USP14: variants seen among roughly 807,000 people sequenced by gnomAD.
USP14 encodes the protein ubiquitin specific peptidase 14.
Under a neutral mutation model 76.5 loss-of-function variants are expected in USP14, and 38 were observed. That is an observed-to-expected ratio of 0.50 (90% CI 0.38 to 0.65). The LOEUF is 0.65. Ranked by LOEUF, USP14 falls within the 30% of genes least tolerant of loss-of-function variation. The pLI is 0.00. For synonymous variants in USP14, 192 were observed against 191.7 expected (o/e 1.00, Z -0.01); for missense variants, 467 against 586.5 (o/e 0.80, Z 2.10).
intron 4 of USP14, among the ~76,000 whole-genome samples, chr18:179,351 A>G (rs1043314290): frequency 6.6e-6 from 1 of 152,116 alleles, no homozygotes; most frequent in African/African-American, 2.4e-5. Context: ...TGTTCCTGGC[A>G]GATAGTACTA....
rs1386120546 is a variant in USP14, at chr18:213,663, G to GCACT, written c.*2386_*2389dup. 3.3e-5 allele frequency: 5 copies of GCACT among 152,554 alleles called. No individual in the cohort carries two copies. The highest frequency in any genetic ancestry group is 4.8e-5 in the African/African-American group (2 of 41,406). 9.5% of individuals were successfully genotyped at this position (152,554 alleles called of 1,614,324 possible). A position where few individuals can be genotyped will look rare whatever the true frequency, so the allele number is the denominator to read the frequency against. On this transcript the variant is annotated 3_prime_UTR_variant, in exon 16 of 16. Coordinates refer to ENST00000261601, the MANE Select transcript of USP14 (RefSeq NM_005151.4). ...CCTAAGAGTGTTTACCGAATAATCTGCACTCACTCAGTAGCCCTTCTTCAG... is the reference window on the plus strand; with the variant it reads ...CCTAAGAGTGTTTACCGAATAATCTGCACTCACTCACTCAGTAGCCCTTCTTCAG...
At chr18:202,327 C>T (rs945015548) in intron 10 of USP14, among the ~76,000 whole-genome samples, 4 of 152,172 alleles carry the variant, frequency 2.6e-5, no homozygotes, top group African/African-American at 9.7e-5. Flanking sequence ...CACTGTTACA[C>T]GGGCTGTAAG....
At chr18:205,083 T>C (rs1910494144) in intron 13 of USP14, among the ~76,000 whole-genome samples, 1 of 152,012 alleles carries the variant, frequency 6.6e-6, no homozygotes. Context: ...GCCATGTTGC[T>C]GAGGCTAGTC....
intron 1 of USP14, among the ~76,000 whole-genome samples, chr18:162,788 T>G (rs746213004): frequency 4.0e-5 from 6 of 151,454 alleles, no homozygotes; most frequent in Non-Finnish European, 7.4e-5. Flanking sequence ...TCTACTTCTC[T>G]GAAGTCTCAG....
At chr18:199,515 C>A (rs980044849) in intron 10 of USP14, among the ~76,000 whole-genome samples, 199 bp downstream of exon 10, 4 of 152,168 alleles carry the variant, frequency 2.6e-5, no homozygotes, top group African/African-American at 9.6e-5. Context: ...TAAACAAATA[C>A]CATTTTAGCA....
At position 210,506 on chromosome 18, in the gene USP14, CT is replaced by C; in HGVS notation, c.1333+19del. 1 of 1,497,642 alleles carries C rather than the reference CT, an allele frequency of 6.7e-7. No individual in the cohort carries two copies. Among genetic ancestry groups the C allele is most frequent in the Non-Finnish European group, 9.2e-7 (1 of 1,090,522 alleles). 92.8% of individuals were successfully genotyped at this position (1,497,642 alleles called of 1,614,324 possible). ...AAAAGGAAACAAGGTAAAGGGTATT[CT>C]TTTTTCAACTGTTCAATATTATTTT... On this transcript the variant is annotated intron_variant, in intron 15 of 15. Transcript: ENST00000261601.
intron 5 of USP14, among the ~76,000 whole-genome samples, chr18:180,793 C>T (rs1909766445): frequency 6.6e-6 from 1 of 151,516 alleles, no homozygotes; most frequent in African/African-American, 2.4e-5. Context: ...TTTCATGGTT[C>T]ACTCACGTTA....
chr18:158,908 C>T (rs1340741426), intron 1 of USP14, 194 bp downstream of exon 1: 6 of 881,880 alleles, frequency 6.8e-6, no homozygotes, highest in Admixed American at 4.4e-5. Context: ...GGCAGGGGAG[C>T]GCCGTCCCCC....
intron 1 of USP14, among the ~76,000 whole-genome samples, chr18:161,490 A>G (rs1444136951): frequency 1.3e-5 from 2 of 152,164 alleles, no homozygotes; most frequent in Non-Finnish European, 2.9e-5. Context: ...CATCCAGGAA[A>G]TCTTTCCTCA....
At chr18:195,279 T>G (rs1335334774) in intron 6 of USP14, among the ~76,000 whole-genome samples, 1 of 152,168 alleles carries the variant, frequency 6.6e-6, no homozygotes, top group Non-Finnish European at 1.5e-5. Context: ...TTGGTAGTGA[T>G]GCCCAAATTT....
chr18:184,475 C>T (rs1371951249), intron 5 of USP14, among the ~76,000 whole-genome samples: 1 of 152,152 alleles, frequency 6.6e-6, no homozygotes, highest in Non-Finnish European at 1.5e-5. Flanking sequence ...GTATGGGTCC[C>T]GAGTGTGATG....
chr18:202,369 T>C (rs1254605000), intron 10 of USP14, among the ~76,000 whole-genome samples: 6 of 152,244 alleles, frequency 3.9e-5, no homozygotes, highest in Middle Eastern at 3.2e-3. Flanking sequence ...GGTTAAGATA[T>C]GTGCAGCAGC....
chr18:175,068 C>T (rs1319184271), intron 3 of USP14, among the ~76,000 whole-genome samples: 2 of 152,058 alleles, frequency 1.3e-5, no homozygotes, highest in Admixed American at 1.3e-4. Context: ...CCACTGCACC[C>T]AGCTGTGGTG....
intron 10 of USP14, among the ~76,000 whole-genome samples, chr18:201,457 G>A (rs554110908): frequency 6.6e-6 from 1 of 152,322 alleles, no homozygotes; most frequent in South Asian, 2.1e-4. Context: ...TTGGGATAAG[G>A]TTGGCAAGGG....
Position 210,480 on chromosome 18 carries a change from GA to G in USP14, c.1324del (p.Arg442GlyfsTer17). On this transcript the variant is annotated frameshift_variant, in exon 15 of 16. Transcript: ENST00000261601. LOFTEE classifies it high-confidence loss of function. ...CTTCAGGTCATTATGTATCATGGGT[GA>G]AAAGGAAACAAGGTAAAGGGTATTC... ...SSSGHYVSWV[K>X]RKQDEWIKFD... The G allele has an allele frequency of 6.2e-7, 1 of 1,603,680 alleles. No individual in the cohort carries two copies. Among genetic ancestry groups the G allele is most frequent in the South Asian group, 1.1e-5 (1 of 89,570 alleles).
Position 213,966 on chromosome 18 carries a change from A to AT in USP14, c.*2683dup, listed in dbSNP as rs1910755068. ...ACAAACATTTTCTGTAATGGACAAG[A>AT]TAGATAGATTAGATAGATAGATAGA... On this transcript the variant is annotated 3_prime_UTR_variant, in exon 16 of 16. Coordinates refer to ENST00000261601, the MANE Select transcript of USP14 (RefSeq NM_005151.4). 3 of 141,494 alleles carry AT rather than the reference A, an allele frequency of 2.1e-5. No homozygotes were observed. The South Asian group carries it at 6.6e-4, about 31-fold the overall frequency. The allele number at this position is 141,494 out of a possible 1,614,324, so 8.8% of individuals were successfully genotyped here.
intron 1 of USP14, among the ~76,000 whole-genome samples, chr18:159,230 T>C (rs1434600796): frequency 1.3e-5 from 2 of 152,172 alleles, no homozygotes; most frequent in East Asian, 3.9e-4. Flanking sequence ...CCAGTTTTAG[T>C]TTTGTCCCGA....
intron 5 of USP14, among the ~76,000 whole-genome samples, chr18:182,894 A>G (rs956740706): frequency 3.9e-5 from 6 of 152,194 alleles, no homozygotes; most frequent in African/African-American, 1.4e-4. Flanking sequence ...TAGATGGGAG[A>G]TTAGCAGGGG....
rs561608694 is a variant in USP14, at chr18:163,101, A to G, written c.17-207A>G. 6.9e-4 allele frequency: 279 copies of G among 407,032 alleles called. 2 individuals carry two copies. Among genetic ancestry groups the G allele is most frequent in the African/African-American group, 4.5e-3 (218 of 48,572 alleles). 25.2% of individuals were successfully genotyped at this position (407,032 alleles called of 1,614,324 possible). On this transcript the variant is annotated intron_variant, in intron 1 of 15. Transcript: ENST00000261601. The stretch of plus-strand genomic sequence containing the variant: ...TGCTGAAGTCTCAGTTTCTTTAACT[A>G]TGAAATGAGAAGTTAGGTTTGATCC...
Sources: allele counts gnomAD v4.1 joint callset (sites outside exome capture counted in the v4.1 genomes callset), GRCh38; gene constraint gnomAD v4.1.1; transcripts MANE v1.5; gene names NCBI Gene and HGNC (gene_info 2026-07-23, HGNC 2026-07-21).